EPB41L4B: variants seen among roughly 807,000 people sequenced by gnomAD.
The protein encoded by EPB41L4B is erythrocyte membrane protein band 4.1 like 4B.
A neutral mutation model predicts 112.5 loss-of-function variants in EPB41L4B; 30 were observed. The observed-to-expected ratio is 0.27, with a 90% confidence interval of 0.20 to 0.36. The LOEUF (loss-of-function observed/expected upper bound fraction) is 0.36, where lower values mean the gene tolerates loss of function less well. EPB41L4B is among the 10% of genes least tolerant of loss of function. The pLI is 1.00. For synonymous variants in EPB41L4B, 408 were observed against 439.7 expected (o/e 0.93, Z 0.90); for missense variants, 1,024 against 1,133.3 (o/e 0.90, Z 1.38).
At chr9:109,286,477 T>C (rs1343709490) in intron 1 of EPB41L4B, among the ~76,000 whole-genome samples, 1 of 152,214 alleles carries the variant, frequency 6.6e-6, no homozygotes, top group African/African-American at 2.4e-5. Context: ...CATAATTTTG[T>C]TGCCATTATG....
At chr9:109,320,010 C>G in intron 1 of EPB41L4B, 131 bp downstream of exon 1, 1 of 753,940 alleles carries the variant, frequency 1.3e-6, no homozygotes, top group Non-Finnish European at 1.8e-6. Flanking sequence ...GAGGAGTGCT[C>G]GGAGAAGAGG....
In EPB41L4B at chr9:109,263,066, A is replaced by C. The variant is rs1489334363; in HGVS notation, c.615T>G (p.Ala205=). The change falls in exon 6 of 26, where the codon GCT becomes GCG. Residue 205 remains alanine, a synonymous_variant. Coordinates refer to ENST00000374566, the MANE Select transcript of EPB41L4B (RefSeq NM_019114.5). ...KCPYETAVEL[A]ALCLQAELGE... ...TTAATGTACCTTGTAGACAGAGAGC[A>C]GCTAATTCCACAGCTGTTTCATAAG... 2.5e-6 allele frequency: 4 copies of C among 1,597,122 alleles called. No homozygotes were observed. Among genetic ancestry groups the C allele is most frequent in the Non-Finnish European group, 2.6e-6 (3 of 1,168,800 alleles).
At chr9:109,306,196 A>G (rs1837184658) in intron 1 of EPB41L4B, among the ~76,000 whole-genome samples, 1 of 152,250 alleles carries the variant, frequency 6.6e-6, no homozygotes, top group Admixed American at 6.5e-5. Context: ...TAAGGATTAA[A>G]TGAAATGATC....
intron 7 of EPB41L4B, 70 bp from the exon 8 acceptor site, chr9:109,256,550 C>A (rs1834991228): frequency 3.7e-6 from 5 of 1,336,242 alleles, no homozygotes; most frequent in Non-Finnish European, 5.3e-6. Context: ...AGGGCACGGC[C>A]TTACTATGGA....
At chr9:109,214,169 A>G (rs903660938) in intron 16 of EPB41L4B, among the ~76,000 whole-genome samples, 4 of 152,240 alleles carry the variant, frequency 2.6e-5, no homozygotes, top group African/African-American at 9.6e-5. Context: ...ATGGAAAAGC[A>G]TTATGCAAAT....
In EPB41L4B at chr9:109,255,614, T is replaced by C; in HGVS notation, c.1066A>G (p.Lys356Glu). ...DSARTCKHLW[K>E]CAVEHHAFFR... ...AATGCGTGGTGCTCAACTGCACACT[T>C]CCAAAGGTGTTTGCAGGTCCTGGCA... Residue 356 changes from lysine (K) to glutamate (E), a missense_variant, in exon 11 of 26, where the codon AAG becomes GAG. Lys to Glu is a moderately conservative substitution (Grantham distance 56, BLOSUM62 1). Transcript: ENST00000374566. 6.2e-7 allele frequency: 1 copy of C among 1,614,130 alleles called. No homozygotes were observed. Among genetic ancestry groups the C allele is most frequent in the Non-Finnish European group, 8.5e-7 (1 of 1,180,006 alleles).
chr9:109,196,515 C>T (rs1434315370), intron 20 of EPB41L4B, among the ~76,000 whole-genome samples: 6 of 152,156 alleles, frequency 3.9e-5, no homozygotes, highest in Admixed American at 1.3e-4. Flanking sequence ...CACAGGAGTC[C>T]GAGACCAGCC....
At chr9:109,290,874 A>C (rs989917910) in intron 1 of EPB41L4B, among the ~76,000 whole-genome samples, 2 of 152,136 alleles carry the variant, frequency 1.3e-5, no homozygotes, top group African/African-American at 2.4e-5. Context: ...CATCATAAAT[A>C]CGAATATCTG....
At chr9:109,242,459 C>CA (rs1834385974) in intron 15 of EPB41L4B, among the ~76,000 whole-genome samples, 1 of 152,186 alleles carries the variant, frequency 6.6e-6, no homozygotes, top group Non-Finnish European at 1.5e-5. Flanking sequence ...TTTGTAAAAA[C>CA]AATGTTAATT....
intron 22 of EPB41L4B, among the ~76,000 whole-genome samples, chr9:109,186,204 T>C (rs1320758365): frequency 1.3e-5 from 2 of 152,072 alleles, no homozygotes; most frequent in African/African-American, 2.4e-5. Flanking sequence ...TTTCCCTTTT[T>C]TTTTTTTGAG....
rs764336522 is a variant in EPB41L4B, at chr9:109,303,349, TG to T, written c.306+16791del. Among the ~76,000 whole-genome samples, 5 of 152,228 alleles carry T rather than the reference TG, an allele frequency of 3.3e-5. No homozygotes were observed. The East Asian group carries it at 9.7e-4, about 29-fold the overall frequency. On this transcript the variant is annotated intron_variant, in intron 1 of 25. Transcript: ENST00000374566. ...ATTTTTATAAGTTGTGGGTTTCTTT[TG>T]GGGGGCGGGTTTTGAGACAGCATCT... is the stretch of plus-strand genomic sequence containing the variant.
intron 14 of EPB41L4B, among the ~76,000 whole-genome samples, chr9:109,245,164 C>G (rs1417853985): frequency 6.6e-6 from 1 of 152,232 alleles, no homozygotes; most frequent in African/African-American, 2.4e-5. Context: ...TACAGAAACC[C>G]ACAGAGTTTA....
chr9:109,310,377 A>G (rs1226718496), intron 1 of EPB41L4B, among the ~76,000 whole-genome samples: 1 of 152,202 alleles, frequency 6.6e-6, no homozygotes, highest in Non-Finnish European at 1.5e-5. Context: ...ACTGAGACAG[A>G]GCATGTGGGG....
At chr9:109,191,128 C>T (rs922451787) in intron 22 of EPB41L4B, among the ~76,000 whole-genome samples, 6 of 152,152 alleles carry the variant, frequency 3.9e-5, no homozygotes, top group Non-Finnish European at 7.3e-5. Flanking sequence ...TCCCCTCTTC[C>T]CTTCTAGGAC....
intron 20 of EPB41L4B, among the ~76,000 whole-genome samples, chr9:109,199,691 T>A (rs1243996525): frequency 6.6e-6 from 1 of 152,146 alleles, no homozygotes; most frequent in East Asian, 1.9e-4. Flanking sequence ...TGATGGGATG[T>A]CAGTTCTGTG....
At position 109,251,516 on chromosome 9, in the gene EPB41L4B, A is replaced by G. The variant is rs1834787824; in HGVS notation, c.1280-5T>C. 2 of 1,613,802 alleles carry G rather than the reference A, an allele frequency of 1.2e-6. No homozygotes were observed. The highest frequency in any genetic ancestry group is 2.7e-5 in the African/African-American group (2 of 74,942). Reference sequence around the variant, plus strand: ...CTGCTATCACTGGGTTGCTTGCTATAAAGGAAAAACAGAAAGTTATGACAT... The same window carrying G: ...CTGCTATCACTGGGTTGCTTGCTATGAAGGAAAAACAGAAAGTTATGACAT... On this transcript the variant is annotated splice_polypyrimidine_tract_variant and splice_region_variant and intron_variant, in intron 12 of 25. Transcript: ENST00000374566.
intron 1 of EPB41L4B, among the ~76,000 whole-genome samples, chr9:109,281,311 G>A (rs1174684944): frequency 6.6e-6 from 1 of 152,056 alleles, no homozygotes; most frequent in Non-Finnish European, 1.5e-5. Context: ...CATACAAATG[G>A]TCAATAAACA....
At chr9:109,280,953 T>A (rs1471414753) in intron 1 of EPB41L4B, among the ~76,000 whole-genome samples, 1 of 152,118 alleles carries the variant, frequency 6.6e-6, no homozygotes, top group African/African-American at 2.4e-5. Flanking sequence ...ATGCAAAAAT[T>A]AATTCAAAGT....
At chr9:109,248,841 C>T (rs1265772238) in intron 13 of EPB41L4B, among the ~76,000 whole-genome samples, 1 of 151,892 alleles carries the variant, frequency 6.6e-6, no homozygotes, top group Admixed American at 6.6e-5. Flanking sequence ...GGGTTGATCA[C>T]GAGGTCAGGA....
Sources: gnomAD v4.1 joint callset for allele counts (sites outside exome capture counted in the v4.1 genomes callset) on GRCh38, gnomAD v4.1.1 for gene constraint, MANE v1.5 for transcripts, NCBI Gene and HGNC (gene_info 2026-07-23, HGNC 2026-07-21) for gene names.